Variants in DOK5 observed in about 807,000 individuals in gnomAD.
DOK5 encodes docking protein 5.
A neutral mutation model predicts 43.3 loss-of-function variants in DOK5; 27 were observed. That is an observed-to-expected ratio of 0.62 (90% CI 0.46 to 0.86). The LOEUF is 0.86. Among genes scored for constraint, DOK5 ranks in the 40% least tolerant of loss-of-function variants. The pLI is 0.00. For synonymous variants in DOK5, 146 were observed against 140.1 expected, an observed-to-expected ratio of 1.04 and a Z score of -0.30; for missense variants, 373 against 392.9, an observed-to-expected ratio of 0.95 and a Z score of 0.43.
intron 2 of DOK5, among the ~76,000 whole-genome samples, chr20:54,580,869 T>C (rs1417455615): frequency 6.6e-6 from 1 of 152,154 alleles, no homozygotes; most frequent in Admixed American, 6.5e-5. Context: ...ATGTATAAAC[T>C]TTTTAGTTTG....
intron 1 of DOK5, among the ~76,000 whole-genome samples, chr20:54,552,403 G>A (rs1294000966): frequency 6.6e-6 from 1 of 151,750 alleles, no homozygotes; most frequent in Admixed American, 6.6e-5. Context: ...GATAATATAT[G>A]TATTATAGAT....
At chr20:54,531,166 G>A (rs569372376) in intron 1 of DOK5, among the ~76,000 whole-genome samples, 1 of 152,154 alleles carries the variant, frequency 6.6e-6, no homozygotes, top group Admixed American at 6.6e-5. Flanking sequence ...GGTCCATCAT[G>A]AATGTCTGTG....
In DOK5 at chr20:54,616,791, T is replaced by C. The variant is rs1390072518; in HGVS notation, c.735+6268T>C. Among the ~76,000 whole-genome samples the C allele has an allele frequency of 6.4e-5, 9 of 141,070 alleles. No homozygotes were observed. The South Asian group carries it at 8.9e-4, about 14-fold the overall frequency. 92.5% of individuals were successfully genotyped at this position (141,070 alleles called of 152,430 possible). On this transcript the variant is annotated intron_variant, in intron 6 of 7. Transcript: ENST00000262593. ...CTTTCTTTTTTTTTTTTTCTTTTTT[T>C]TTTTTTTTTGTGTAGAGAAGGAGTC...
At chr20:54,479,426 C>T (rs992833576) in intron 1 of DOK5, among the ~76,000 whole-genome samples, 3 of 152,040 alleles carry the variant, frequency 2.0e-5, no homozygotes, top group African/African-American at 7.2e-5. Context: ...TTTGAGTAAT[C>T]GATTAAATGC....
intron 1 of DOK5, among the ~76,000 whole-genome samples, chr20:54,494,349 T>C (rs140006378): frequency 6.4e-4 from 98 of 152,360 alleles, no homozygotes; most frequent in Admixed American, 3.4e-3. Context: ...CCTTTCCTAT[T>C]GGGTTTGACA....
At chr20:54,624,969 TAGC>T (rs1987090965) in intron 6 of DOK5, among the ~76,000 whole-genome samples, 1 of 152,118 alleles carries the variant, frequency 6.6e-6, no homozygotes, top group African/African-American at 2.4e-5. Flanking sequence ...TTTTTTCCCT[TAGC>T]AGGAAAGCGG....
chr20:54,590,346 A>G, intron 4 of DOK5, among the ~76,000 whole-genome samples: 1 of 152,146 alleles, frequency 6.6e-6, no homozygotes, highest in East Asian at 1.9e-4. Flanking sequence ...TCACTCCACC[A>G]TTATTGCTAT....
chr20:54,576,150 T>C (rs1422142931), intron 2 of DOK5, among the ~76,000 whole-genome samples: 1 of 152,212 alleles, frequency 6.6e-6, no homozygotes, highest in Non-Finnish European at 1.5e-5. Flanking sequence ...TTAGTTTAAA[T>C]TGATTTAACA....
chr20:54,535,436 A>C (rs1473032101), intron 1 of DOK5, among the ~76,000 whole-genome samples: 1 of 152,102 alleles, frequency 6.6e-6, no homozygotes, highest in Non-Finnish European at 1.5e-5. Flanking sequence ...AGGTTGAGAG[A>C]CTGAACCTTG....
At chr20:54,605,541 A>G (rs576206586) in intron 5 of DOK5, among the ~76,000 whole-genome samples, 1 of 152,238 alleles carries the variant, frequency 6.6e-6, no homozygotes, top group Non-Finnish European at 1.5e-5. Context: ...CCCACCTTAA[A>G]GCTTTATATG....
At chr20:54,631,896 C>T (rs1381364576) in intron 6 of DOK5, among the ~76,000 whole-genome samples, 3 of 152,020 alleles carry the variant, frequency 2.0e-5, no homozygotes, top group Non-Finnish European at 4.4e-5. Flanking sequence ...CGCTTGAACC[C>T]GGGAGGCAGA....
chr20:54,497,082 A>G (rs149183514), intron 1 of DOK5, among the ~76,000 whole-genome samples: 107 of 152,320 alleles, frequency 7.0e-4, no homozygotes, highest in South Asian at 2.9e-3. Flanking sequence ...TCAGTTAAAC[A>G]ATATCAATAA....
chr20:54,580,752 G>A (rs1383813328), intron 2 of DOK5, among the ~76,000 whole-genome samples: 1 of 151,932 alleles, frequency 6.6e-6, no homozygotes, highest in Non-Finnish European at 1.5e-5. Flanking sequence ...TGAGTTATAC[G>A]AATTTCTTAT....
chr20:54,499,027 C>T (rs1018142687), intron 1 of DOK5, among the ~76,000 whole-genome samples: 9 of 152,178 alleles, frequency 5.9e-5, no homozygotes, highest in East Asian at 1.9e-4. Flanking sequence ...CAGTTACTAC[C>T]GGTGACCCCA....
At chr20:54,605,910 AG>A (rs1427323127) in intron 5 of DOK5, among the ~76,000 whole-genome samples, 10 of 152,212 alleles carry the variant, frequency 6.6e-5, no homozygotes, top group African/African-American at 2.4e-4. Flanking sequence ...CAGTAAATCT[AG>A]GTGAGAGTTC....
At chr20:54,557,478 T>C (rs891136002) in intron 2 of DOK5, among the ~76,000 whole-genome samples, 8 of 152,180 alleles carry the variant, frequency 5.3e-5, no homozygotes, top group African/African-American at 1.9e-4. Flanking sequence ...CCTAATAGGC[T>C]ATAGACCAGT....
chr20:54,512,298 T>C (rs192161965), intron 1 of DOK5, among the ~76,000 whole-genome samples: 28 of 152,370 alleles, frequency 1.8e-4, no homozygotes, highest in Admixed American at 1.8e-3. Flanking sequence ...CCATCCATAA[T>C]GCAGTCTTTT....
intron 1 of DOK5, among the ~76,000 whole-genome samples, chr20:54,481,322 A>G (rs1981711533): frequency 6.6e-6 from 1 of 152,118 alleles, no homozygotes; most frequent in Non-Finnish European, 1.5e-5. Flanking sequence ...GGCATGCACC[A>G]CCATACCCAG....
intron 6 of DOK5, among the ~76,000 whole-genome samples, chr20:54,619,950 C>A (rs113603826): frequency 2.0e-5 from 3 of 152,254 alleles, no homozygotes; most frequent in African/African-American, 7.2e-5. Flanking sequence ...GCTCTTTTCA[C>A]AACTCAGCAT....
Sources: allele counts gnomAD v4.1 joint callset (sites outside exome capture counted in the v4.1 genomes callset), GRCh38; gene constraint gnomAD v4.1.1; transcripts MANE v1.5; gene names NCBI Gene and HGNC (gene_info 2026-07-23, HGNC 2026-07-21).